The following TCF3 variants were observed in gnomAD, a reference collection of about 807,000 sequenced individuals.
TCF3 encodes the protein transcription factor 3.
A neutral mutation model predicts 72.3 loss-of-function variants in TCF3; 54 were observed. The observed-to-expected ratio is 0.75, with a 90% CI of 0.60 to 0.94. The LOEUF (loss-of-function observed/expected upper bound fraction) is 0.94, where lower values mean the gene tolerates loss of function less well. Ranked by LOEUF, TCF3 falls within the 40% of genes least tolerant of loss-of-function variation. The pLI is 0.00. For synonymous variants in TCF3, 525 were observed against 412.6 expected (o/e 1.27, Z -3.30); for missense variants, 1,078 against 934.4 (o/e 1.15, Z -2.00).
chr19:1,634,774 A>T (rs1042076738), intron 3 of TCF3, among the ~76,000 whole-genome samples: 3 of 152,234 alleles, frequency 2.0e-5, no homozygotes, highest in Admixed American at 2.0e-4. Flanking sequence ...CAAACAGTAC[A>T]CAAGGACCAA....
intron 3 of TCF3, among the ~76,000 whole-genome samples, chr19:1,643,566 A>T (rs2065644155): frequency 6.6e-6 from 1 of 152,080 alleles, no homozygotes; most frequent in Non-Finnish European, 1.5e-5. Context: ...CCCAGGCTGG[A>T]GCGCAGTGGC....
chr19:1,651,221 C>G, intron 1 of TCF3: 1 of 228,782 alleles, frequency 4.4e-6, no homozygotes, highest in African/African-American at 2.2e-5. Context: ...CCAGGCCCCT[C>G]CAGTCTCGAC....
chr19:1,632,870 G>T (rs1248112960), intron 3 of TCF3, among the ~76,000 whole-genome samples: 1 of 152,210 alleles, frequency 6.6e-6, no homozygotes, highest in Non-Finnish European at 1.5e-5. Flanking sequence ...TGAGCTCTGG[G>T]GAGGCCCAGG....
intron 1 of TCF3, chr19:1,650,870 GT>G: frequency 4.3e-6 from 1 of 231,884 alleles, no homozygotes; most frequent in Non-Finnish European, 8.5e-6. Flanking sequence ...AGTGCCGGGG[GT>G]GGGGGGGACG....
intron 6 of TCF3, 89 bp downstream of exon 6, chr19:1,627,270 A>C (rs1435002578): frequency 8.3e-7 from 1 of 1,206,238 alleles, no homozygotes; most frequent in African/African-American, 1.6e-5. Flanking sequence ...TAACCTAGCT[A>C]AGCCAGGAGA....
At chr19:1,627,335 C>T in intron 6 of TCF3, 24 bp downstream of exon 6, 1 of 1,592,918 alleles carries the variant, frequency 6.3e-7, no homozygotes, top group Non-Finnish European at 8.6e-7. Flanking sequence ...CAAAATACAC[C>T]CCAGCCCGGC....
chr19:1,639,480 G>A (rs758565375), intron 3 of TCF3, among the ~76,000 whole-genome samples: 9 of 152,126 alleles, frequency 5.9e-5, no homozygotes, highest in Non-Finnish European at 1.0e-4. Context: ...GGGGGATGGC[G>A]CTGCTCTCAG....
At chr19:1,612,130 A>C in intron 18 of TCF3, 1 of 1,427,606 alleles carries the variant, frequency 7.0e-7, no homozygotes, top group South Asian at 1.4e-5. Flanking sequence ...GGCGGCAAGC[A>C]CAGGAGGACC....
chr19:1,636,688 C>T (rs547139614), intron 3 of TCF3, among the ~76,000 whole-genome samples: 6 of 152,166 alleles, frequency 3.9e-5, no homozygotes, highest in Non-Finnish European at 8.8e-5. Context: ...ATCTTCCTGT[C>T]GTGTCTTCTT....
intron 6 of TCF3, 33 bp downstream of exon 6, chr19:1,627,326 A>G: frequency 6.3e-7 from 1 of 1,574,862 alleles, no homozygotes; most frequent in Non-Finnish European, 8.6e-7. Context: ...GTTTAAAATC[A>G]AAATACACCC....
At chr19:1,624,550 C>T (rs1372904524) in intron 7 of TCF3, among the ~76,000 whole-genome samples, 1 of 152,222 alleles carries the variant, frequency 6.6e-6, no homozygotes, top group African/African-American at 2.4e-5. Context: ...TGCTGAGAAG[C>T]CCCTTGGCCC....
chr19:1,630,922 C>T (rs527315624), intron 5 of TCF3, among the ~76,000 whole-genome samples: 4 of 152,348 alleles, frequency 2.6e-5, no homozygotes, highest in East Asian at 3.9e-4. Flanking sequence ...CAGGAGGGAC[C>T]GCACACGGGA....
In TCF3 at chr19:1,627,376, C is replaced by T. The variant is rs368163858; in HGVS notation, c.349G>A (p.Val117Met). Residue 117 changes from valine (V) to methionine (M), a missense_variant, in exon 6 of 19, where the codon GTG becomes ATG. Val to Met is a conservative substitution (Grantham distance 21). Coordinates refer to ENST00000262965, the MANE Select transcript of TCF3 (RefSeq NM_003200.5). ...CCCCTCACCTGAGTCAGGCCGCCCA[C>T]GCCTGCGTCTCTCCCGAAGGAGGCA... ...AYASFGRDAG[V>M]GGLTQAGFLS... 47 of 1,610,932 alleles carry T rather than the reference C, an allele frequency of 2.9e-5. No individual in the cohort carries two copies. Among genetic ancestry groups the T allele is most frequent in the South Asian group, 5.5e-5 (5 of 90,672 alleles).
chr19:1,646,295 T>C (rs2066084434), intron 3 of TCF3, 60 bp downstream of exon 3: 4 of 1,516,616 alleles, frequency 2.6e-6, no homozygotes, highest in Non-Finnish European at 3.6e-6. Flanking sequence ...CCGCACACTG[T>C]CTTCAACAGA....
intron 2 of TCF3, among the ~76,000 whole-genome samples, chr19:1,649,136 C>T (rs2066601463): frequency 6.6e-6 from 1 of 152,238 alleles, no homozygotes; most frequent in Admixed American, 6.5e-5. Flanking sequence ...CCCCGCCCTC[C>T]CCACCGGGCC....
intron 16 of TCF3, among the ~76,000 whole-genome samples, chr19:1,618,236 C>T (rs1422574424): frequency 1.3e-5 from 2 of 152,126 alleles, no homozygotes; most frequent in East Asian, 3.9e-4. Flanking sequence ...AAGTCCTGTC[C>T]ATCACAAATC....
At chr19:1,639,690 A>G (rs1309706353) in intron 3 of TCF3, among the ~76,000 whole-genome samples, 6 of 151,092 alleles carry the variant, frequency 4.0e-5, no homozygotes, top group Admixed American at 3.3e-4. Flanking sequence ...GAAATCAAGA[A>G]AGGACCTCCA....
intron 5 of TCF3, among the ~76,000 whole-genome samples, chr19:1,629,681 A>G (rs2063461815): frequency 6.6e-6 from 1 of 152,146 alleles, no homozygotes; most frequent in Admixed American, 6.5e-5. Context: ...GACCTGAGCC[A>G]CTTAAATCCC....
At chr19:1,646,152 G>A (rs2066057855) in intron 3 of TCF3, among the ~76,000 whole-genome samples, 1 of 152,316 alleles carries the variant, frequency 6.6e-6, no homozygotes, top group Non-Finnish European at 1.5e-5. Context: ...GGGCTCAGGG[G>A]CTCGGGCTCC....
Sources: allele counts gnomAD v4.1 joint callset (sites outside exome capture counted in the v4.1 genomes callset), GRCh38; gene constraint gnomAD v4.1.1; transcripts MANE v1.5; gene names NCBI Gene and HGNC (gene_info 2026-07-23, HGNC 2026-07-21).